The following SIPA1L2 variants were observed in gnomAD, a reference collection of about 807,000 sequenced individuals.
SIPA1L2 encodes the protein signal-induced proliferation-associated 1-like protein 2.
A neutral mutation model predicts 163.9 loss-of-function variants in SIPA1L2; 56 were observed. That is an observed-to-expected ratio of 0.34 (90% CI 0.28 to 0.43). SIPA1L2 has a LOEUF of 0.43. Among genes scored for constraint, SIPA1L2 ranks in the 20% least tolerant of loss-of-function variants. The pLI is 1.00. For synonymous variants in SIPA1L2, 877 were observed against 865.7 expected (o/e 1.01, Z -0.23); for missense variants, 1,974 against 2,193.5 (o/e 0.90, Z 2.00).
intron 10 of SIPA1L2, among the ~76,000 whole-genome samples, chr1:232,458,989 A>T (rs1437167967): frequency 1.3e-5 from 2 of 152,222 alleles, no homozygotes; most frequent in Non-Finnish European, 2.9e-5. Context: ...TACAGAGAAA[A>T]CTTAGTTTCT....
Position 232,540,258 on chromosome 1 carries a change from C to T in SIPA1L2, c.-269-24650G>A, listed in dbSNP as rs971363209. 5.9e-5 allele frequency among the ~76,000 whole-genome samples: 9 copies of T among 152,012 alleles called. No individual in the cohort carries two copies. In the South Asian group the frequency reaches 6.2e-4, roughly 11 times the overall value. Reference sequence around the variant, plus strand: ...GGTGGACGTTGCAGTGGGCCGAGGTCACGCCACTGCACTCCAGCCTGGGAG... The same window carrying T: ...GGTGGACGTTGCAGTGGGCCGAGGTTACGCCACTGCACTCCAGCCTGGGAG... On this transcript the variant is annotated intron_variant, in intron 2 of 22. Coordinates refer to ENST00000674635, the MANE Select transcript of SIPA1L2 (RefSeq NM_020808.5).
At chr1:232,523,245 A>G (rs1667537951) in intron 2 of SIPA1L2, among the ~76,000 whole-genome samples, 1 of 152,232 alleles carries the variant, frequency 6.6e-6, no homozygotes, top group Non-Finnish European at 1.5e-5. Flanking sequence ...TGTTAAATAG[A>G]TAATTTTGAT....
At chr1:232,625,505 G>T (rs1279065150) in intron 1 of SIPA1L2, among the ~76,000 whole-genome samples, 2 of 152,208 alleles carry the variant, frequency 1.3e-5, no homozygotes, top group African/African-American at 4.8e-5. Context: ...TTCAATGGCA[G>T]CATGTGATTA....
intron 3 of SIPA1L2, among the ~76,000 whole-genome samples, chr1:232,501,543 G>A (rs1159766698): frequency 6.6e-6 from 1 of 152,132 alleles, no homozygotes; most frequent in Non-Finnish European, 1.5e-5. Context: ...ATGGGGTGGG[G>A]CTGAGCACCT....
intron 7 of SIPA1L2, among the ~76,000 whole-genome samples, chr1:232,477,731 C>T (rs866367072): frequency 1.3e-5 from 2 of 152,108 alleles, no homozygotes; most frequent in Non-Finnish European, 2.9e-5. Flanking sequence ...ACATAAAACT[C>T]GAATGCCTAC....
rs111730596 is a variant in SIPA1L2, at chr1:232,605,432, C to A, written c.-319+24437G>T. Among the ~76,000 whole-genome samples, 1,220 of 152,292 alleles carry A rather than the reference C, an allele frequency of 8.0e-3. 18 individuals carry two copies. Among genetic ancestry groups the A allele is most frequent in the African/African-American group, 0.026 (1,098 of 41,558 alleles). The stretch of plus-strand genomic sequence containing the variant: ...ACTCCCAGCTGGGTGTGGTGGCTCA[C>A]GCCTGTAATTCCAGAACTTTGGGAG... On this transcript the variant is annotated intron_variant, in intron 1 of 22. Coordinates refer to ENST00000674635, the MANE Select transcript of SIPA1L2 (RefSeq NM_020808.5).
At chr1:232,441,722 G>A (rs1422829748) in intron 13 of SIPA1L2, 46 bp downstream of exon 13, 2 of 1,498,192 alleles carry the variant, frequency 1.3e-6, no homozygotes, top group Non-Finnish European at 1.9e-6. Flanking sequence ...GCAGAGAGGG[G>A]GAAAGGGGGA....
At chr1:232,435,279 C>A (rs967642894) in intron 15 of SIPA1L2, among the ~76,000 whole-genome samples, 1 of 152,158 alleles carries the variant, frequency 6.6e-6, no homozygotes, top group Non-Finnish European at 1.5e-5. Context: ...TGTTTTATAA[C>A]ATTTTCTAAA....
intron 2 of SIPA1L2, among the ~76,000 whole-genome samples, chr1:232,561,760 TTGA>T (rs1659050321): frequency 6.6e-6 from 1 of 152,192 alleles, no homozygotes; most frequent in African/African-American, 2.4e-5. Context: ...GGGAATGGTC[TTGA>T]TGAAAGAAAA....
intron 1 of SIPA1L2, among the ~76,000 whole-genome samples, chr1:232,623,227 G>A (rs1662908700): frequency 6.6e-6 from 1 of 152,238 alleles, no homozygotes; most frequent in African/African-American, 2.4e-5. Context: ...CATACAGACA[G>A]AGCTAGGCTG....
rs780947019 is a variant in SIPA1L2 at position 232,491,000 on chromosome 1, G to A, written c.1680C>T (p.Thr560=). The A allele has an allele frequency of 3.0e-5, 48 of 1,613,956 alleles. No individual in the cohort carries two copies. Among genetic ancestry groups the A allele is most frequent in the South Asian group, 5.5e-5 (5 of 91,074 alleles). ...DAIPSTARHG[T]ARGLPLKEVL... is the part of the protein sequence containing the mutation. ...CTTCTTTGAGAGGTAGTCCTCGTGC[G>A]GTACCATGCCTAGCAGTAGAGGGTA... The change falls in exon 5 of 23, where the codon ACC becomes ACT. Residue 560 remains threonine (T), a synonymous_variant. Transcript: ENST00000674635.
intron 8 of SIPA1L2, among the ~76,000 whole-genome samples, chr1:232,467,296 A>G (rs1004362137): frequency 1.3e-5 from 2 of 152,158 alleles, no homozygotes; most frequent in Admixed American, 1.3e-4. Flanking sequence ...TAGTATATAT[A>G]CCATACCAGA....
In SIPA1L2 at chr1:232,485,378, C is replaced by A. The variant is rs116798866; in HGVS notation, c.1807-1412G>T. On this transcript the variant is annotated intron_variant, in intron 5 of 22. Coordinates refer to ENST00000674635, the MANE Select transcript of SIPA1L2 (RefSeq NM_020808.5). ...GATGGTGTGCATACACTACTCAATA[C>A]CTAACATTATGAATTTATTGAGCTA... 9.0e-3 allele frequency among the ~76,000 whole-genome samples: 1,369 copies of A among 152,118 alleles called. 26 individuals carry two copies. Among genetic ancestry groups the A allele is most frequent in the African/African-American group, 0.032 (1,325 of 41,488 alleles).
At chr1:232,420,033 C>T (rs74737490) in intron 18 of SIPA1L2, among the ~76,000 whole-genome samples, 154 of 152,252 alleles carry the variant, frequency 1.0e-3, no homozygotes, top group African/African-American at 3.6e-3. Context: ...AGGATATGCA[C>T]AGTGCTGGCT....
Position 232,514,054 on chromosome 1 carries a change from G to T in SIPA1L2, c.1286C>A (p.Ala429Asp). The T allele has an allele frequency of 6.2e-7, 1 of 1,614,202 alleles. No individual in the cohort carries two copies. Among genetic ancestry groups the T allele is most frequent in the Non-Finnish European group, 8.5e-7 (1 of 1,180,030 alleles). Residue 429 changes from alanine to aspartate, a missense_variant, in exon 3 of 23, where the codon GCC becomes GAC. This residue lies in a region of SIPA1L2 where 607 missense variants were observed against 624.0 expected (regional missense o/e 0.97). Transcript: ENST00000674635. Reference protein sequence around the residue: ...EGDRRIALSRANSSSFSSGES... With the variant: ...EGDRRIALSRDNSSSFSSGES... The stretch of plus-strand genomic sequence containing the variant: ...CCCAGAACTGAAAGAGGATGAGTTG[G>T]CTCGAGAGAGCGCAATCCGCCTGTC...
At chr1:232,498,364 G>T (rs553005386) in intron 3 of SIPA1L2, among the ~76,000 whole-genome samples, 2 of 152,288 alleles carry the variant, frequency 1.3e-5, no homozygotes, top group Non-Finnish European at 1.5e-5. Flanking sequence ...ACAATTTCTT[G>T]AAGTATTTAT....
intron 3 of SIPA1L2, among the ~76,000 whole-genome samples, chr1:232,509,040 C>T (rs547537249): frequency 6.6e-6 from 1 of 152,318 alleles, no homozygotes; most frequent in Non-Finnish European, 1.5e-5. Context: ...TGCAGTGAGC[C>T]AAGATTGCGC....
chr1:232,409,028 A>G (rs1246202339), intron 19 of SIPA1L2, among the ~76,000 whole-genome samples: 1 of 152,186 alleles, frequency 6.6e-6, no homozygotes, highest in Non-Finnish European at 1.5e-5. Flanking sequence ...TTACCCATGT[A>G]ACTCTTATAT....
At chr1:232,552,505 G>C (rs1274628553) in intron 2 of SIPA1L2, among the ~76,000 whole-genome samples, 3 of 151,960 alleles carry the variant, frequency 2.0e-5, no homozygotes, top group African/African-American at 4.8e-5. Flanking sequence ...CAAGCAGCTA[G>C]GACTACAGGC....
Sources: allele counts gnomAD v4.1 joint callset (sites outside exome capture counted in the v4.1 genomes callset), GRCh38; gene constraint gnomAD v4.1.1; regional missense constraint gnomAD v4.1.1; transcripts MANE v1.5; gene names NCBI Gene and HGNC (gene_info 2026-07-23, HGNC 2026-07-21).